Variants in SVIL observed in about 807,000 individuals in gnomAD.
SVIL encodes the protein supervillin.
Under a neutral mutation model 240.4 loss-of-function variants are expected in SVIL, and 101 were observed. The observed-to-expected ratio is 0.42, with a 90% CI of 0.36 to 0.50. The LOEUF is 0.50. Ranked by LOEUF, SVIL falls within the 20% of genes least tolerant of loss-of-function variation. The pLI is 0.01. For synonymous variants in SVIL, 999 were observed against 1,100.0 expected, an observed-to-expected ratio of 0.91 and a Z score of 1.82; for missense variants, 2,512 against 2,818.7, an observed-to-expected ratio of 0.89 and a Z score of 2.46.
intron 7 of SVIL, among the ~76,000 whole-genome samples, chr10:29,535,099 A>G (rs1951646540): frequency 6.6e-6 from 1 of 152,224 alleles, no homozygotes; most frequent in Non-Finnish European, 1.5e-5. Flanking sequence ...ACCCTGCTAA[A>G]TTTGATAAAA....
rs1203129797 is a variant in SVIL, at chr10:29,507,695, C to T, written c.3516+5040G>A. On this transcript the variant is annotated intron_variant, in intron 17 of 37. Coordinates refer to ENST00000355867, the MANE Select transcript of SVIL (RefSeq NM_021738.3). ...AAACAGAAGTTCTTTTCCTATTGCT[C>T]AGAAATTGCAGTGAGGCTTAAGATG... 6.5e-6 allele frequency: 6 copies of T among 920,080 alleles called. No homozygotes were observed. In the African/African-American group the frequency reaches 1.1e-4, roughly 16 times the overall value. 57.0% of individuals were successfully genotyped at this position (920,080 alleles called of 1,614,324 possible).
intron 2 of SVIL, among the ~76,000 whole-genome samples, chr10:29,566,527 A>G (rs770272349): frequency 2.6e-5 from 4 of 152,206 alleles, no homozygotes; most frequent in Non-Finnish European, 2.9e-5. Flanking sequence ...CAACATGTGA[A>G]ATCGAGTTTC....
upstream of SVIL, among the ~76,000 whole-genome samples, chr10:29,638,935 G>A (rs1195867060): frequency 6.6e-6 from 1 of 152,132 alleles, no homozygotes; most frequent in Non-Finnish European, 1.5e-5. Flanking sequence ...TTTGGAAAGG[G>A]AGGAGATCGG....
intron 17 of SVIL, among the ~76,000 whole-genome samples, chr10:29,506,972 G>C (rs146407660): frequency 6.6e-6 from 1 of 152,146 alleles, no homozygotes; most frequent in African/African-American, 2.4e-5. Context: ...GACATTCCAC[G>C]GTGAAATAAA....
intron 1 of SVIL, among the ~76,000 whole-genome samples, chr10:29,595,462 C>T (rs1047892132): frequency 6.6e-6 from 1 of 152,124 alleles, no homozygotes; most frequent in Non-Finnish European, 1.5e-5. Flanking sequence ...GGGAGAAGTG[C>T]CCTGACAGCA....
intron 1 of SVIL, chr10:29,576,007 T>C: frequency 6.5e-6 from 4 of 610,702 alleles, no homozygotes; most frequent in Non-Finnish European, 8.2e-6. Context: ...TGAAGTACCC[T>C]TGCAATTGGG....
chr10:29,523,731 A>G lies in SVIL; in HGVS notation c.2883T>C (p.Ser961=), dbSNP rs2132533631. ...ESKRALTGRD[S]GMEKYGSFEE... The stretch of plus-strand genomic sequence containing the variant: ...CAAAGGACCCATACTTCTCCATCCC[A>G]CTGTCTCGACCTGTCAAAGCTCTCT... Residue 961 remains serine (S), a synonymous_variant, in exon 15 of 38, where the codon AGT becomes AGC. Coordinates refer to ENST00000355867, the MANE Select transcript of SVIL (RefSeq NM_021738.3). 6.2e-7 allele frequency: 1 copy of G among 1,614,138 alleles called. No individual in the cohort carries two copies. The highest frequency in any genetic ancestry group is 2.2e-5 in the East Asian group (1 of 44,874).
intron 3 of SVIL, among the ~76,000 whole-genome samples, chr10:29,645,079 T>C (rs1273732599): frequency 1.3e-5 from 2 of 152,202 alleles, no homozygotes; most frequent in Non-Finnish European, 2.9e-5. Flanking sequence ...TAATACAACA[T>C]TCACTTCATT....
intron 6 of SVIL, among the ~76,000 whole-genome samples, chr10:29,547,730 A>G (rs1387882587): frequency 1.7e-4 from 26 of 152,204 alleles, no homozygotes; most frequent in Non-Finnish European, 2.6e-4. Context: ...CTATTTGAGA[A>G]TCTATTATAT....
intron 6 of SVIL, among the ~76,000 whole-genome samples, chr10:29,545,433 C>G (rs1189121049): frequency 1.3e-5 from 2 of 152,130 alleles, no homozygotes; most frequent in Non-Finnish European, 2.9e-5. Flanking sequence ...CTGCATGAAA[C>G]CTCCATATCA....
chr10:29,683,773 G>A (rs920813959), intron 2 of SVIL, among the ~76,000 whole-genome samples: 1 of 152,036 alleles, frequency 6.6e-6, no homozygotes, highest in Non-Finnish European at 1.5e-5. Context: ...TCCAAACACA[G>A]CCTGTGCCAG....
intron 1 of SVIL, chr10:29,712,036 T>G (rs1963326016): frequency 6.6e-6 from 1 of 152,000 alleles, no homozygotes; most frequent in South Asian, 2.1e-4. Context: ...ATATAAAAAT[T>G]TAAAAAATTT....
chr10:29,486,055 T>G lies in SVIL; in HGVS notation c.4779+30A>C, dbSNP rs778642670. 2.3e-5 allele frequency: 36 copies of G among 1,578,620 alleles called. 1 individual carries two copies. Among genetic ancestry groups the G allele is most frequent in the East Asian group, 1.8e-4 (5 of 27,182 alleles). Reference sequence around the variant, plus strand: ...TGCTGAGTGCTTTCAATGTGGTTTCTCACTGAAGGGCAGAGCCCACGGACT... The same window carrying G: ...TGCTGAGTGCTTTCAATGTGGTTTCGCACTGAAGGGCAGAGCCCACGGACT... On this transcript the variant is annotated intron_variant, in intron 26 of 37. Transcript: ENST00000355867.
At chr10:29,672,542 C>A (rs1202502482) in intron 2 of SVIL, among the ~76,000 whole-genome samples, 1 of 152,188 alleles carries the variant, frequency 6.6e-6, no homozygotes, top group Admixed American at 6.5e-5. Flanking sequence ...TTAACTAAAT[C>A]CAATTTTCCT....
intron 3 of SVIL, among the ~76,000 whole-genome samples, chr10:29,561,083 A>T (rs1430341714): frequency 1.3e-5 from 2 of 149,244 alleles, no homozygotes; most frequent in African/African-American, 5.0e-5. Flanking sequence ...GGCCTCCCAA[A>T]GTGCTGGGAT....
At chr10:29,573,175 CCCAAT>C (rs1955527785) in intron 1 of SVIL, among the ~76,000 whole-genome samples, 1 of 151,960 alleles carries the variant, frequency 6.6e-6, no homozygotes, top group African/African-American at 2.4e-5. Flanking sequence ...GAGCATAGTA[CCCAAT>C]CATTTGTTTT....
intron 1 of SVIL, among the ~76,000 whole-genome samples, chr10:29,573,798 C>T (rs376519621): frequency 9.2e-5 from 14 of 152,048 alleles, no homozygotes; most frequent in African/African-American, 2.9e-4. Context: ...CGGGTTCAAG[C>T]GATTCTCCTG....
intron 1 of SVIL, among the ~76,000 whole-genome samples, chr10:29,691,491 G>A (rs181476614): frequency 1.3e-5 from 2 of 152,294 alleles, no homozygotes; most frequent in African/African-American, 2.4e-5. Context: ...GATTACAGGC[G>A]TGAGCCACCG....
At chr10:29,485,753 T>C (rs1422726713) in intron 26 of SVIL, among the ~76,000 whole-genome samples, 1 of 152,226 alleles carries the variant, frequency 6.6e-6, no homozygotes, top group African/African-American at 2.4e-5. Flanking sequence ...CATCTAGTGT[T>C]CCTTAAACTT....
Sources: allele counts gnomAD v4.1 joint callset (sites outside exome capture counted in the v4.1 genomes callset), GRCh38; gene constraint gnomAD v4.1.1; transcripts MANE v1.5; gene names NCBI Gene and HGNC (gene_info 2026-07-23, HGNC 2026-07-21).